GARRE1: variants seen among roughly 807,000 people sequenced by gnomAD.
The protein encoded by GARRE1 is granule associated Rac and RHOG effector 1, also known as granule associated Rac and RHOG effector protein 1.
A neutral mutation model predicts 103.2 loss-of-function variants in GARRE1; 49 were observed. The observed-to-expected ratio is 0.47, with a 90% CI of 0.38 to 0.60. The LOEUF (loss-of-function observed/expected upper bound fraction) is 0.60, where lower values mean the gene tolerates loss of function less well. GARRE1 is among the 20% of genes least tolerant of loss of function. The probability of loss-of-function intolerance (pLI) is 0.00; values close to 1 mark genes in which losing one functional copy is unlikely to be tolerated. For synonymous variants in GARRE1, 505 were observed against 532.8 expected, an observed-to-expected ratio of 0.95 and a Z score of 0.72; for missense variants, 1,199 against 1,370.5, an observed-to-expected ratio of 0.87 and a Z score of 1.98.
intron 1 of GARRE1, among the ~76,000 whole-genome samples, chr19:34,289,727 A>AT (rs1195182848): frequency 6.6e-6 from 1 of 151,888 alleles, no homozygotes; most frequent in African/African-American, 2.4e-5. Flanking sequence ...TGTCTCAAAA[A>AT]AAAAAATAAA....
At chr19:34,291,832 T>A (rs1399548119) in intron 1 of GARRE1, among the ~76,000 whole-genome samples, 1 of 151,934 alleles carries the variant, frequency 6.6e-6, no homozygotes, top group Non-Finnish European at 1.5e-5. Flanking sequence ...CTGTACACAT[T>A]AGCAAGGACT....
chr19:34,352,399 C>CA (rs56046544), intron 13 of GARRE1, among the ~76,000 whole-genome samples: 237 of 88,270 alleles, frequency 2.7e-3, no homozygotes, highest in Admixed American at 3.9e-3. Context: ...GACTGCATCT[C>CA]AAAAAAAAAA....
intron 7 of GARRE1, among the ~76,000 whole-genome samples, chr19:34,330,830 G>T (rs1286444443): frequency 2.0e-5 from 3 of 150,612 alleles, no homozygotes; most frequent in Non-Finnish European, 3.0e-5. Flanking sequence ...CGCCTTCTGG[G>T]CTCAAGTGAT....
At chr19:34,288,000 C>T (rs1243735450) in intron 1 of GARRE1, among the ~76,000 whole-genome samples, 1 of 151,958 alleles carries the variant, frequency 6.6e-6, no homozygotes, top group Non-Finnish European at 1.5e-5. Flanking sequence ...ATGACCACAC[C>T]CTGACAACAT....
At chr19:34,339,674 T>C (rs2074177021) in intron 8 of GARRE1, among the ~76,000 whole-genome samples, 193 bp from the exon 9 acceptor site, 1 of 152,152 alleles carries the variant, frequency 6.6e-6, no homozygotes, top group South Asian at 2.1e-4. Flanking sequence ...CTCAGACCTT[T>C]TTGCTTCCTA....
At chr19:34,319,836 AT>A (rs1255464295) in intron 2 of GARRE1, 70 bp from the exon 3 acceptor site, 6 of 1,333,108 alleles carry the variant, frequency 4.5e-6, no homozygotes, top group Admixed American at 1.7e-5. Context: ...CAAGTTGGTC[AT>A]TGAAAATTTA....
At chr19:34,329,920 A>T (rs1005399427) in intron 6 of GARRE1, among the ~76,000 whole-genome samples, 15 of 152,230 alleles carry the variant, frequency 9.9e-5, no homozygotes, top group Middle Eastern at 3.4e-3. Flanking sequence ...TCTACAAAAA[A>T]TTTAAAAATT....
chr19:34,289,589 T>C (rs956178251), intron 1 of GARRE1, among the ~76,000 whole-genome samples: 3 of 151,498 alleles, frequency 2.0e-5, no homozygotes, highest in Non-Finnish European at 4.4e-5. Flanking sequence ...CTGGGTGTGG[T>C]GGCGCGTGTC....
At chr19:34,280,407 T>G (rs1434948462) in intron 1 of GARRE1, among the ~76,000 whole-genome samples, 9 of 152,240 alleles carry the variant, frequency 5.9e-5, no homozygotes, top group Non-Finnish European at 1.0e-4. Context: ...CTTTGCCCAT[T>G]TAAAAATTGG....
At chr19:34,319,202 T>G (rs1413077055) in intron 2 of GARRE1, among the ~76,000 whole-genome samples, 3 of 152,298 alleles carry the variant, frequency 2.0e-5, no homozygotes, top group Non-Finnish European at 4.4e-5. Flanking sequence ...GTATACATCT[T>G]ATTATAATTA....
At position 34,342,159 on chromosome 19, in the gene GARRE1, G is replaced by A. The variant is rs1395835904; in HGVS notation, c.2225G>A (p.Gly742Glu). 2 of 1,613,980 alleles carry A rather than the reference G, an allele frequency of 1.2e-6. No homozygotes were observed. The highest frequency in any genetic ancestry group is 1.7e-6 in the Non-Finnish European group (2 of 1,180,016). Residue 742 changes from glycine (G) to glutamate (E), a missense_variant, in exon 10 of 14, where the codon GGA (glycine) becomes GAA (glutamate). Transcript: ENST00000299505. ...TACCAACACCTACTCCAGCCCATTG[G>A]ACCGCAGCAGCCCCCGCCCCAGCCT... ...QYYQHLLQPIGPQQPPPQPRA... is the reference protein window; with the variant it reads ...QYYQHLLQPIEPQQPPPQPRA...
chr19:34,352,895 G>A lies in GARRE1; in HGVS notation c.3153G>A (p.Lys1051=), dbSNP rs753502587. 6.3e-5 allele frequency: 94 copies of A among 1,485,700 alleles called. No homozygotes were observed. The highest frequency in any genetic ancestry group is 8.3e-5 in the Non-Finnish European group (91 of 1,095,254). 92.0% of individuals were successfully genotyped at this position (1,485,700 alleles called of 1,614,324 possible). ...PPPPAHKAAP[K]GFKAFPGKGE... ...CACCAGCACACAAGGCAGCACCCAA[G>A]GGCTTCAAGGCCTTCCCTGGGAAGG... is the stretch of plus-strand genomic sequence containing the variant. Residue 1051 remains lysine (K), a synonymous_variant, in exon 14 of 14, where the codon AAG becomes AAA. Coordinates refer to ENST00000299505, the MANE Select transcript of GARRE1 (RefSeq NM_014686.5).
intron 2 of GARRE1, among the ~76,000 whole-genome samples, chr19:34,302,736 GTTTTT>G (rs35460135): frequency 7.7e-6 from 1 of 129,052 alleles, no homozygotes; most frequent in South Asian, 2.5e-4. Flanking sequence ...GTCTTTGATA[GTTTTT>G]TTTTTTTTTT....
chr19:34,279,635 T>G lies in GARRE1; in HGVS notation c.-795-20044T>G, dbSNP rs1291309575. 2.0e-5 allele frequency among the ~76,000 whole-genome samples: 3 copies of G among 152,190 alleles called. No individual in the cohort carries two copies. In the East Asian group the frequency reaches 5.8e-4, roughly 29 times the overall value. ...AAGTTATATTATTCCCTAGTTGTAC[T>G]GTCTGTTCTTGCCTTACTGTAAAGA... On this transcript the variant is annotated intron_variant, in intron 1 of 13. Coordinates refer to ENST00000299505, the MANE Select transcript of GARRE1 (RefSeq NM_014686.5).
chr19:34,262,731 C>T lies in GARRE1; in HGVS notation c.-796+8117C>T, dbSNP rs773691237. Among the ~76,000 whole-genome samples the T allele has an allele frequency of 7.9e-5, 12 of 152,104 alleles. No homozygotes were observed. In the Middle Eastern group the frequency reaches 0.01, roughly 129 times the overall value. On this transcript the variant is annotated intron_variant, in intron 1 of 13. Transcript: ENST00000299505. ...GATCCTCTGACTTCATGAAAAACCA[C>T]GAAGTTAAAATGTAAAAATATTTAT...
chr19:34,354,753 G>A lies in GARRE1; in HGVS notation c.*1798G>A, dbSNP rs1297804338. On this transcript the variant is annotated 3_prime_UTR_variant, in exon 14 of 14. Coordinates refer to ENST00000299505, the MANE Select transcript of GARRE1 (RefSeq NM_014686.5). Reference sequence around the variant, plus strand: ...ACACACTAATTTGAGAGGACCCGTAGGGTGTCTGAGCCCAGCCACCTGAGT... The same window carrying A: ...ACACACTAATTTGAGAGGACCCGTAAGGTGTCTGAGCCCAGCCACCTGAGT... 6.6e-6 allele frequency: 1 copy of A among 152,556 alleles called. No individual in the cohort carries two copies. Among genetic ancestry groups the A allele is most frequent in the Non-Finnish European group, 1.5e-5 (1 of 68,030 alleles). The allele number at this position is 152,556 out of a possible 1,614,324, so 9.5% of individuals were successfully genotyped here.
chr19:34,260,195 C>G (rs986019954), intron 1 of GARRE1, among the ~76,000 whole-genome samples: 3 of 152,288 alleles, frequency 2.0e-5, no homozygotes, highest in African/African-American at 7.2e-5. Context: ...GACCCTCTGC[C>G]AACAAAAAGT....
In GARRE1 at chr19:34,353,408, CTG is replaced by C. The variant is rs1184972265; in HGVS notation, c.*455_*456del. ...CCTTGAGTGATGACCACACCAATCA[CTG>C]TATTTTATAGCTTTTTTTTTCATGT... On this transcript the variant is annotated 3_prime_UTR_variant, in exon 14 of 14. Coordinates refer to ENST00000299505, the MANE Select transcript of GARRE1 (RefSeq NM_014686.5). 5.7e-6 allele frequency: 1 copy of C among 175,444 alleles called. No individual in the cohort carries two copies. Among genetic ancestry groups the C allele is most frequent in the African/African-American group, 2.4e-5 (1 of 42,406 alleles). The allele number at this position is 175,444 out of a possible 1,614,324, so 10.9% of individuals were successfully genotyped here. A position where few individuals can be genotyped will look rare whatever the true frequency, so the allele number is the denominator to read the frequency against.
At chr19:34,334,469 C>T (rs2599559) in intron 8 of GARRE1, among the ~76,000 whole-genome samples, 65,366 of 151,852 alleles carry the variant, frequency 0.43, 17,070 homozygotes, top group Non-Finnish European at 0.59. Flanking sequence ...GAGGCCAAGG[C>T]GGGCAGATCG....
Sources: gnomAD v4.1 joint callset for allele counts (sites outside exome capture counted in the v4.1 genomes callset) on GRCh38, gnomAD v4.1.1 for gene constraint, MANE v1.5 for transcripts, NCBI Gene and HGNC (gene_info 2026-07-23, HGNC 2026-07-21) for gene names.